The following PPP1R36 variants were observed in gnomAD, a reference collection of about 807,000 sequenced individuals.
The protein encoded by PPP1R36 is chromosome 14 open reading frame 50.
Under a neutral mutation model 53.4 loss-of-function variants are expected in PPP1R36, and 47 were observed. The ratio of observed to expected loss-of-function variants is 0.88; its 90% CI spans 0.70 to 1.12. The LOEUF is 1.12. Among genes scored for constraint, PPP1R36 ranks in the 50% most tolerant of loss-of-function variants. The pLI is 0.00. For synonymous variants in PPP1R36, 153 were observed against 170.5 expected (o/e 0.90, Z 0.80); for missense variants, 456 against 513.9 (o/e 0.89, Z 1.09).
At chr14:64,565,755 A>T in intron 6 of PPP1R36, 63 bp downstream of exon 6, 1 of 1,227,608 alleles carries the variant, frequency 8.1e-7, no homozygotes, top group Admixed American at 1.8e-5. Flanking sequence ...ACTTCATCTG[A>T]TAAGTGATGA....
chr14:64,583,811 C>CAAAAAAAA (rs529491293), intron 8 of PPP1R36, among the ~76,000 whole-genome samples: 1 of 30,040 alleles, frequency 3.3e-5, no homozygotes, highest in African/African-American at 1.2e-4. Flanking sequence ...AACTCCATCT[C>CAAAAAAAA]AAAAAAAAAA....
intron 8 of PPP1R36, among the ~76,000 whole-genome samples, chr14:64,581,731 T>C (rs1413533952): frequency 6.6e-6 from 1 of 152,202 alleles, no homozygotes; most frequent in African/African-American, 2.4e-5. Flanking sequence ...TGCGTATCTC[T>C]ATGATTAAAG....
At position 64,550,002 on chromosome 14, in the gene PPP1R36, A is replaced by C. The variant is rs147817006; in HGVS notation, c.5A>C (p.Tyr2Ser). 1.8e-5 allele frequency: 28 copies of C among 1,569,760 alleles called. No individual in the cohort carries two copies. In the African/African-American group the frequency reaches 3.7e-4, roughly 20 times the overall value. ...TATGGCTTCCAGGGCGAGGCCATGTACCGGGTGCCCGAGTTTTATGCGAGG... is the reference window on the plus strand; with the variant it reads ...TATGGCTTCCAGGGCGAGGCCATGTCCCGGGTGCCCGAGTTTTATGCGAGG... M[Y>S]RVPEFYARRK... is the part of the protein sequence containing the mutation. The change falls in exon 1 of 12, where the codon TAC (tyrosine) becomes TCC (serine). Residue 2 changes from tyrosine to serine, a missense_variant. Tyr to Ser is a moderately radical substitution (Grantham distance 144). Transcript: ENST00000298705.
At position 64,586,852 on chromosome 14, in the gene PPP1R36, T is replaced by TTC; in HGVS notation, c.684_685insTC (p.Thr229SerfsTer29). On this transcript the variant is annotated frameshift_variant, in exon 9 of 12. Coordinates refer to ENST00000298705, the MANE Select transcript of PPP1R36 (RefSeq NM_172365.3). LOFTEE classifies it high-confidence loss of function. ...TATATTACAGGGAGAAAATATCAGATACACAGAAAGACTGGAAGTTCTTTG... is the reference window on the plus strand; with the variant it reads ...TATATTACAGGGAGAAAATATCAGATTCACACAGAAAGACTGGAAGTTCTTTG... The TTC allele has an allele frequency of 6.2e-7, 1 of 1,612,232 alleles. No individual in the cohort carries two copies. The highest frequency in any genetic ancestry group is 8.5e-7 in the Non-Finnish European group (1 of 1,178,560).
In PPP1R36 at chr14:64,587,390, T is replaced by C. The variant is rs145255692; in HGVS notation, c.890+18T>C. The C allele has an allele frequency of 3.2e-4, 491 of 1,517,966 alleles. 5 individuals are homozygous for C. The East Asian group carries it at 0.01, about 32-fold the overall frequency. The allele number at this position is 1,517,966 out of a possible 1,614,324, so 94.0% of individuals were successfully genotyped here. ...CAGTTCAGGTATGACCTTTTGACTT[T>C]CCTATGCTCAGGGGTATTTCTTTTC... On this transcript the variant is annotated intron_variant, in intron 10 of 11. Transcript: ENST00000298705.
intron 1 of PPP1R36, 92 bp from the exon 2 acceptor site, chr14:64,550,829 G>T (rs2080088572): frequency 4.4e-6 from 4 of 903,126 alleles, no homozygotes; most frequent in Non-Finnish European, 5.1e-6. Flanking sequence ...AGATGTGTTA[G>T]TAAGTAGGAA....
rs766336806 is a variant in PPP1R36, at chr14:64,564,819, A to G, written c.251A>G (p.Asp84Gly). 2 of 1,607,166 alleles carry G rather than the reference A, an allele frequency of 1.2e-6. No individual in the cohort carries two copies. The highest frequency in any genetic ancestry group is 4.5e-5 in the East Asian group (2 of 44,178). Reference sequence around the variant, plus strand: ...AAAGCAGTTCACTTTGCAGAAACTGATGGTCCAGCTTCAGACAGGTAGATT... The same window carrying G: ...AAAGCAGTTCACTTTGCAGAAACTGGTGGTCCAGCTTCAGACAGGTAGATT... Reference protein sequence around the residue: ...KGKAVHFAETDGPASDRLTDK... With the variant: ...KGKAVHFAETGGPASDRLTDK... Residue 84 changes from aspartate to glycine, a missense_variant, in exon 4 of 12, where the codon GAT becomes GGT. Transcript: ENST00000298705.
chr14:64,550,492 G>T (rs1466625259), intron 1 of PPP1R36, among the ~76,000 whole-genome samples: 3 of 152,246 alleles, frequency 2.0e-5, no homozygotes, highest in African/African-American at 7.2e-5. Flanking sequence ...TCCAGAACCA[G>T]ACAGCTGAGG....
At chr14:64,571,071 G>A (rs1051400928) in intron 7 of PPP1R36, among the ~76,000 whole-genome samples, 1 of 152,070 alleles carries the variant, frequency 6.6e-6, no homozygotes, top group Non-Finnish European at 1.5e-5. Flanking sequence ...TTATCTGTCC[G>A]TAATTAGAAT....
chr14:64,572,489 G>C (rs534096424), intron 7 of PPP1R36, among the ~76,000 whole-genome samples: 1 of 152,274 alleles, frequency 6.6e-6, no homozygotes, highest in African/African-American at 2.4e-5. Flanking sequence ...ATATAGGTTA[G>C]CTTCTCTTGA....
chr14:64,565,644 T>C lies in PPP1R36; in HGVS notation c.386T>C (p.Leu129Pro). ...TTTTCAGTTGTTACTTTGCTTTTGC[T>C]ACAAGATACTGAGATGCAGCGGATC... ...DDVKFVTLLL[L>P]QDTEMQRICS... The change falls in exon 6 of 12, where the codon CTA becomes CCA. Residue 129 changes from leucine (L) to proline (P), a missense_variant. Transcript: ENST00000298705. The C allele has an allele frequency of 6.2e-7, 1 of 1,613,912 alleles. No homozygotes were observed. Among genetic ancestry groups the C allele is most frequent in the Non-Finnish European group, 8.5e-7 (1 of 1,179,778 alleles).
Position 64,587,301 on chromosome 14 carries a change from C to T in PPP1R36, c.819C>T (p.Asn273=), listed in dbSNP as rs778675730. The T allele has an allele frequency of 1.2e-5, 19 of 1,613,920 alleles. No homozygotes were observed. The highest frequency in any genetic ancestry group is 1.6e-4 in the Middle Eastern group (1 of 6,062). Residue 273 remains asparagine (N), a synonymous_variant, in exon 10 of 12, where the codon AAC becomes AAT. Transcript: ENST00000298705. ...GACTCTTTCGTACCAATATGTTCAA[C>T]ATTCCTCGCAGGAGGCGTGAAGATG... ...VGRLFRTNMF[N]IPRRRREDEE... is the part of the protein sequence containing the mutation.
At position 64,583,532 on chromosome 14, in the gene PPP1R36, A is replaced by G. The variant is rs147415349; in HGVS notation, c.669-3305A>G. On this transcript the variant is annotated intron_variant, in intron 8 of 11. Coordinates refer to ENST00000298705, the MANE Select transcript of PPP1R36 (RefSeq NM_172365.3). Reference sequence around the variant, plus strand: ...TTTGGGCATTAAGAGAGAAAGAGTTAGGCCGGGCGCTGTGGCTCACGCCTG... The same window carrying G: ...TTTGGGCATTAAGAGAGAAAGAGTTGGGCCGGGCGCTGTGGCTCACGCCTG... 2.1e-3 allele frequency among the ~76,000 whole-genome samples: 316 copies of G among 152,222 alleles called. 2 individuals carry two copies. Among genetic ancestry groups the G allele is most frequent in the African/African-American group, 7.2e-3 (300 of 41,540 alleles).
intron 6 of PPP1R36, among the ~76,000 whole-genome samples, chr14:64,566,948 A>G (rs1329942088): frequency 6.6e-6 from 1 of 152,146 alleles, no homozygotes; most frequent in Non-Finnish European, 1.5e-5. Context: ...ACTCCACTTA[A>G]TTGTTAACAG....
intron 6 of PPP1R36, among the ~76,000 whole-genome samples, 194 bp downstream of exon 6, chr14:64,565,886 C>G (rs1188138390): frequency 6.6e-6 from 1 of 152,152 alleles, no homozygotes; most frequent in African/African-American, 2.4e-5. Flanking sequence ...CATGGGAACC[C>G]CAGATAAAAT....
intron 6 of PPP1R36, among the ~76,000 whole-genome samples, chr14:64,566,178 G>A (rs1390856848): frequency 6.6e-6 from 1 of 152,190 alleles, no homozygotes; most frequent in Non-Finnish European, 1.5e-5. Flanking sequence ...TGAGGCAGGA[G>A]AATTACTTGA....
chr14:64,579,408 A>G (rs150827642), intron 8 of PPP1R36, among the ~76,000 whole-genome samples: 10 of 152,332 alleles, frequency 6.6e-5, no homozygotes, highest in African/African-American at 2.4e-4. Context: ...TTTCAGCATC[A>G]AAAATACCTT....
chr14:64,574,367 A>G (rs2080326421), intron 7 of PPP1R36, 88 bp from the exon 8 acceptor site: 1 of 1,348,580 alleles, frequency 7.4e-7, no homozygotes, highest in Non-Finnish European at 1.0e-6. Flanking sequence ...AGAAAAGAAG[A>G]AAAGTTTATA....
chr14:64,557,398 T>TAAG (rs1031922153), intron 3 of PPP1R36, among the ~76,000 whole-genome samples: 1 of 151,754 alleles, frequency 6.6e-6, no homozygotes, highest in Non-Finnish European at 1.5e-5. Flanking sequence ...ATATATAAAA[T>TAAG]AAGAAGAAGA....
Sources: gnomAD v4.1 joint callset for allele counts (sites outside exome capture counted in the v4.1 genomes callset) on GRCh38, gnomAD v4.1.1 for gene constraint, MANE v1.5 for transcripts, NCBI Gene and HGNC (gene_info 2026-07-23, HGNC 2026-07-21) for gene names.